The following IKZF4 variants were observed in gnomAD, a reference collection of about 807,000 sequenced individuals.
IKZF4 encodes zinc finger protein Eos.
A neutral mutation model predicts 47.7 loss-of-function variants in IKZF4; 11 were observed. The observed-to-expected ratio is 0.23, with a 90% CI of 0.15 to 0.38. The LOEUF is 0.38. Among genes scored for constraint, IKZF4 ranks in the 10% least tolerant of loss-of-function variants. IKZF4 has a pLI of 1.00. For synonymous variants in IKZF4, 298 were observed against 299.4 expected (o/e 1.00, Z 0.05); for missense variants, 557 against 784.9 (o/e 0.71, Z 3.47).
chr12:56,018,827 G>A (rs1210554886), upstream of IKZF4, among the ~76,000 whole-genome samples: 4 of 152,042 alleles, frequency 2.6e-5, no homozygotes, highest in Non-Finnish European at 4.4e-5. Flanking sequence ...GGTGGCTCAC[G>A]CCTGTAATCC....
rs1008213971 is a variant in IKZF4, at chr12:56,036,941, C to T, written c.*1610C>T. ...AAAGTAAAAACCAAACACAACACCT[C>T]ACAAGTTGTAACTCTTGGTCCTTCT... On this transcript the variant is annotated 3_prime_UTR_variant, in exon 8 of 8. Transcript: ENST00000547167. The T allele has an allele frequency of 3.3e-5, 5 of 152,180 alleles. No homozygotes were observed. The highest frequency in any genetic ancestry group is 3.3e-4 in the Admixed American group (5 of 15,284). The allele number at this position is 152,180 out of a possible 1,614,324, so 9.4% of individuals were successfully genotyped here.
At chr12:56,028,532 CAAAAAAAAAAAAA>C (rs56380320) in intron 5 of IKZF4, among the ~76,000 whole-genome samples, 4 of 52,960 alleles carry the variant, frequency 7.6e-5, no homozygotes, top group Admixed American at 2.7e-4. Flanking sequence ...CACTCAGTCT[CAAAAAAAAAAAAA>C]AAAAAAAAAA....
rs1218363110 is a variant in IKZF4, at chr12:56,036,164, G to C, written c.*833G>C. 2 of 152,534 alleles carry C rather than the reference G, an allele frequency of 1.3e-5. No individual in the cohort carries two copies. Among genetic ancestry groups the C allele is most frequent in the Admixed American group, 1.3e-4 (2 of 15,272 alleles). The allele number at this position is 152,534 out of a possible 1,614,324, so 9.4% of individuals were successfully genotyped here. On this transcript the variant is annotated 3_prime_UTR_variant, in exon 8 of 8. Transcript: ENST00000547167. ...CTTCAACCTACCGGTCTATTAAGTG[G>C]TGGCTTTTCTCTCCTTGGAGTGCCC...
rs530344019 is a variant in IKZF4 at position 56,035,514 on chromosome 12, G to A, written c.*183G>A. ...CTCTATCCTGACCGATGTAAGCATT[G>A]TGATGAAACAGATCTTTTGCTTATG... On this transcript the variant is annotated 3_prime_UTR_variant, in exon 8 of 8. Transcript: ENST00000547167. This position sits in a 1 kb window ranked among gnomAD's most constrained non-coding sequence, Gnocchi z 6.1. The A allele has an allele frequency of 5.2e-4, 276 of 528,782 alleles. 2 individuals carry two copies. The highest frequency in any genetic ancestry group is 5.0e-3 in the African/African-American group (261 of 52,688). The allele number at this position is 528,782 out of a possible 1,614,324, so 32.8% of individuals were successfully genotyped here. A position where few individuals can be genotyped will look rare whatever the true frequency, so the allele number is the denominator to read the frequency against.
At chr12:56,018,149 A>G (rs1424904763), upstream of IKZF4, 4 of 1,289,238 alleles carry the variant, frequency 3.1e-6, no homozygotes, top group Non-Finnish European at 4.0e-6. Flanking sequence ...TGGACATAGA[A>G]GACTGCAATG....
chr12:56,025,149 T>C lies in IKZF4; in HGVS notation c.277T>C (p.Ser93Pro). 6.3e-7 allele frequency: 1 copy of C among 1,592,442 alleles called. No individual in the cohort carries two copies. Among genetic ancestry groups the C allele is most frequent in the Non-Finnish European group, 8.5e-7 (1 of 1,170,786 alleles). The change falls in exon 3 of 8, where the codon TCA becomes CCA. Residue 93 changes from serine (S) to proline (P), a missense_variant. By Grantham distance (74) the Ser-to-Pro change is moderately conservative. Around this residue, in one of 6 missense-constraint regions of IKZF4, gnomAD observed 112 missense variants for 168.2 expected, o/e 0.67. Transcript: ENST00000547167. ...CAGCCAGCACTCTTCTCCTAGCCGC[T>C]CACTCAGTGGTAAGTGTAACCTCCT... ...PNSQHSSPSRSLSANSIKVEM... is the reference protein window; with the variant it reads ...PNSQHSSPSRPLSANSIKVEM...
chr12:56,026,359 T>C (rs1016481487), intron 3 of IKZF4, among the ~76,000 whole-genome samples: 3 of 152,118 alleles, frequency 2.0e-5, no homozygotes, highest in Non-Finnish European at 4.4e-5. Flanking sequence ...AAGGCTTGAA[T>C]GTCTCAGGGC....
chr12:56,023,985 T>G, intron 2 of IKZF4: 8 of 822,044 alleles, frequency 9.7e-6, no homozygotes, highest in Non-Finnish European at 1.0e-5. Context: ...TTTATATGTA[T>G]CTACATATGT....
At chr12:56,031,623 TCTC>T (rs1274166567) in intron 5 of IKZF4, among the ~76,000 whole-genome samples, 2 of 152,184 alleles carry the variant, frequency 1.3e-5, no homozygotes, top group African/African-American at 4.8e-5. Flanking sequence ...AGAGATACCT[TCTC>T]CTGTCTCCCT....
intron 2 of IKZF4, 174 bp downstream of exon 2, chr12:56,023,938 A>C: frequency 3.0e-6 from 3 of 984,968 alleles, no homozygotes; most frequent in Non-Finnish European, 3.6e-6. Flanking sequence ...ATAATGTAGA[A>C]GGCTACCAGT....
intron 2 of IKZF4, among the ~76,000 whole-genome samples, chr12:56,012,914 T>A (rs1891513538): frequency 6.6e-6 from 1 of 152,118 alleles, no homozygotes; most frequent in Non-Finnish European, 1.5e-5. Context: ...AGGCCAAGAG[T>A]TTGAGGCTGT....
At chr12:56,027,522 T>C (rs1411220040) in intron 4 of IKZF4, among the ~76,000 whole-genome samples, 1 of 152,194 alleles carries the variant, frequency 6.6e-6, no homozygotes. Flanking sequence ...GCTCAGTTTT[T>C]GGTAACAGTC....
chr12:56,022,862 C>T (rs990864758), intron 1 of IKZF4, among the ~76,000 whole-genome samples: 5 of 147,450 alleles, frequency 3.4e-5, no homozygotes, highest in East Asian at 2.0e-4. Context: ...TGCAGTGGCG[C>T]GATCTCGGCT....
chr12:56,037,217 C>G lies in IKZF4; in HGVS notation c.*1886C>G, dbSNP rs1444026841. The G allele has an allele frequency of 6.6e-6, 1 of 152,576 alleles. No individual in the cohort carries two copies. Among genetic ancestry groups the G allele is most frequent in the East Asian group, 1.9e-4 (1 of 5,196 alleles). The allele number at this position is 152,576 out of a possible 1,614,324, so 9.5% of individuals were successfully genotyped here. A position where few individuals can be genotyped will look rare whatever the true frequency, so the allele number is the denominator to read the frequency against. On this transcript the variant is annotated 3_prime_UTR_variant, in exon 8 of 8. Transcript: ENST00000547167. ...CCTCTTTGTCCTCCTTTTTCTCCCC[C>G]ACTCTGAGGTTTCCCCAAGAGAACC...
At chr12:56,013,939 T>G (rs1051325565) in intron 2 of IKZF4, among the ~76,000 whole-genome samples, 1 of 152,000 alleles carries the variant, frequency 6.6e-6, no homozygotes, top group African/African-American at 2.4e-5. Context: ...TTACCTGAGG[T>G]CAGGAGTTCG....
At chr12:56,024,680 G>A in intron 2 of IKZF4, 1 of 1,071,938 alleles carries the variant, frequency 9.3e-7, no homozygotes, top group Non-Finnish European at 1.1e-6. Context: ...CCGGCTGGGG[G>A]CTCCAGAGAG....
chr12:56,030,196 G>A lies in IKZF4; in HGVS notation c.715+2249G>A, dbSNP rs150589055. On this transcript the variant is annotated intron_variant, in intron 5 of 7. Transcript: ENST00000547167. Reference sequence around the variant, plus strand: ...TTTGGGAAGCCAAGGCGGGTGGATCGCTTGAGCCCAGGAGTTTGAGACCAG... The same window carrying A: ...TTTGGGAAGCCAAGGCGGGTGGATCACTTGAGCCCAGGAGTTTGAGACCAG... Among the ~76,000 whole-genome samples the A allele has an allele frequency of 4.6e-5, 7 of 151,072 alleles. No individual in the cohort carries two copies. The East Asian group carries it at 5.9e-4, about 13-fold the overall frequency.
rs1458923635 is a variant in IKZF4 at position 56,034,934 on chromosome 12, A to T, written c.1361A>T (p.Gln454Leu). 6.3e-7 allele frequency: 1 copy of T among 1,588,798 alleles called. No individual in the cohort carries two copies. Reference protein sequence around the residue: ...DPGASPSNGCQDSTDTESNHE... With the variant: ...DPGASPSNGCLDSTDTESNHE... ...GGGGCATCCCCCAGCAATGGCTGCCAGGACTCCACAGACACAGAAAGCAAC... is the reference window on the plus strand; with the variant it reads ...GGGGCATCCCCCAGCAATGGCTGCCTGGACTCCACAGACACAGAAAGCAAC... The change falls in exon 8 of 8, where the codon CAG (glutamine) becomes CTG (leucine). Residue 454 changes from glutamine to leucine, a missense_variant. By Grantham distance (113) the Gln-to-Leu change is moderately radical. This residue lies in a region of IKZF4 where 280 missense variants were observed against 314.0 expected (regional missense o/e 0.89). Transcript: ENST00000547167.
At chr12:56,028,378 A>AC (rs1199126489) in intron 5 of IKZF4, among the ~76,000 whole-genome samples, 6 of 151,176 alleles carry the variant, frequency 4.0e-5, no homozygotes, top group Non-Finnish European at 8.9e-5. Flanking sequence ...ACAAAAAAAA[A>AC]AAAAATTAGC....
Sources: gnomAD v4.1 joint callset for allele counts (sites outside exome capture counted in the v4.1 genomes callset) on GRCh38, gnomAD v4.1.1 for gene constraint, gnomAD v4.1.1 regional missense constraint, Gnocchi (gnomAD v3.1) non-coding constraint, MANE v1.5 for transcripts, NCBI Gene and HGNC (gene_info 2026-07-23, HGNC 2026-07-21) for gene names.